The following PRKG1 variants were observed in gnomAD, a reference collection of about 807,000 sequenced individuals.
The protein encoded by PRKG1 is protein kinase cGMP-dependent 1.
Under a neutral mutation model 88.1 loss-of-function variants are expected in PRKG1, and 35 were observed. The observed-to-expected ratio is 0.40, with a 90% CI of 0.30 to 0.53. PRKG1 has a LOEUF of 0.53. PRKG1 is among the 20% of genes least tolerant of loss of function. The pLI is 0.59. For synonymous variants in PRKG1, 303 were observed against 292.5 expected, an observed-to-expected ratio of 1.04 and a Z score of -0.37; for missense variants, 540 against 839.8, an observed-to-expected ratio of 0.64 and a Z score of 4.41.
chr10:51,872,248 G>C (rs1841176662), intron 4 of PRKG1, among the ~76,000 whole-genome samples: 1 of 152,182 alleles, frequency 6.6e-6, no homozygotes. Context: ...CGTATGACTT[G>C]TGGCAACTTA....
chr10:51,295,006 C>T (rs907272977), intron 2 of PRKG1, among the ~76,000 whole-genome samples: 1 of 152,020 alleles, frequency 6.6e-6, no homozygotes, highest in Non-Finnish European at 1.5e-5. Context: ...TTGCTTGAGC[C>T]CAGGAGTTTG....
chr10:51,650,539 A>G (rs762516445), intron 3 of PRKG1, among the ~76,000 whole-genome samples: 1 of 152,236 alleles, frequency 6.6e-6, no homozygotes, highest in Non-Finnish European at 1.5e-5. Context: ...TGACTTTCAA[A>G]CTATTATCTT....
chr10:52,016,943 C>A (rs1845056073), intron 5 of PRKG1, among the ~76,000 whole-genome samples: 1 of 151,984 alleles, frequency 6.6e-6, no homozygotes, highest in Non-Finnish European at 1.5e-5. Flanking sequence ...TTTGAGCAGA[C>A]ACTTGAATTA....
intron 4 of PRKG1, among the ~76,000 whole-genome samples, chr10:51,820,275 T>C (rs933120865): frequency 3.9e-5 from 6 of 152,196 alleles, no homozygotes; most frequent in Admixed American, 3.3e-4. Context: ...CCTTCCATGT[T>C]ATTTAATATT....
intron 2 of PRKG1, among the ~76,000 whole-genome samples, chr10:51,456,414 A>G (rs1300018190): frequency 2.0e-5 from 3 of 152,142 alleles, no homozygotes; most frequent in South Asian, 2.1e-4. Flanking sequence ...CTGGATCCTC[A>G]TCTCTCACCT....
intron 3 of PRKG1, among the ~76,000 whole-genome samples, chr10:51,670,741 A>AAAT (rs1564599436): frequency 0.011 from 1,042 of 94,560 alleles, 7 homozygotes; most frequent in Admixed American, 0.016. Flanking sequence ...GTCTCAAAAA[A>AAAT]AAATAAATAA....
rs922492262 is a variant in PRKG1 at position 51,942,451 on chromosome 10, G to T, written c.762+34881G>T. 5.8e-4 allele frequency among the ~76,000 whole-genome samples: 87 copies of T among 151,230 alleles called. 1 individual carries two copies. Among genetic ancestry groups the T allele is most frequent in the Non-Finnish European group, 1.0e-3 (69 of 67,706 alleles). On this transcript the variant is annotated intron_variant, in intron 5 of 17. Coordinates refer to ENST00000373980, the MANE Select transcript of PRKG1 (RefSeq NM_006258.4). ...TCTTTTGCTGTGCAGAAGCTCTTTAGTTTAATTAGATCCCATTTGTCAATT... is the reference window on the plus strand; with the variant it reads ...TCTTTTGCTGTGCAGAAGCTCTTTATTTTAATTAGATCCCATTTGTCAATT...
chr10:51,331,821 C>T (rs1841748870), intron 2 of PRKG1, among the ~76,000 whole-genome samples: 1 of 152,182 alleles, frequency 6.6e-6, no homozygotes, highest in Non-Finnish European at 1.5e-5. Flanking sequence ...TGAATAAGAA[C>T]TATTTCTTAT....
chr10:51,652,167 T>C (rs1840054948), intron 3 of PRKG1, among the ~76,000 whole-genome samples: 2 of 152,116 alleles, frequency 1.3e-5, no homozygotes. Flanking sequence ...ACAACTGAAC[T>C]ATAACCACAA....
rs1277517865 is a variant in PRKG1, at chr10:52,014,906, A to G, written c.763-39578A>G. On this transcript the variant is annotated intron_variant, in intron 5 of 17. Coordinates refer to ENST00000373980, the MANE Select transcript of PRKG1 (RefSeq NM_006258.4). ...CATTCAGGGCACACTGATGCAAGGC[A>G]TAGGTTCCCAAGGCCTGAGGCAGCT... Among the ~76,000 whole-genome samples, 5 of 152,234 alleles carry G rather than the reference A, an allele frequency of 3.3e-5. No homozygotes were observed. The East Asian group carries it at 9.6e-4, about 29-fold the overall frequency.
chr10:51,883,452 A>G (rs752631842), intron 4 of PRKG1, among the ~76,000 whole-genome samples: 6 of 152,226 alleles, frequency 3.9e-5, no homozygotes, highest in Non-Finnish European at 7.3e-5. Flanking sequence ...ACATAACAAT[A>G]ATATTTTCTG....
At chr10:51,432,739 CCAGCAAA>C (rs1838806461) in intron 2 of PRKG1, among the ~76,000 whole-genome samples, 1 of 151,828 alleles carries the variant, frequency 6.6e-6, no homozygotes, top group Admixed American at 6.6e-5. Flanking sequence ...AGGGTTGTAC[CCAGCAAA>C]CATACAGATT....
At chr10:51,643,167 T>C (rs2132300994) in intron 3 of PRKG1, among the ~76,000 whole-genome samples, 1 of 152,304 alleles carries the variant, frequency 6.6e-6, no homozygotes, top group Admixed American at 6.5e-5. Context: ...GGATATTCTG[T>C]CTTTCAGTAA....
chr10:51,373,408 G>C (rs1407337810), intron 2 of PRKG1, among the ~76,000 whole-genome samples: 1 of 152,106 alleles, frequency 6.6e-6, no homozygotes. Context: ...ATTCAAATGT[G>C]TCCTCTCCAA....
At chr10:51,728,461 T>TGG (rs113455569) in intron 3 of PRKG1, among the ~76,000 whole-genome samples, 1 of 141,026 alleles carries the variant, frequency 7.1e-6, no homozygotes, top group African/African-American at 2.7e-5. Context: ...TTGTTTTTTT[T>TGG]TTTTTTTTTT....
intron 2 of PRKG1, among the ~76,000 whole-genome samples, chr10:51,242,133 G>T (rs898718052): frequency 6.6e-6 from 1 of 152,112 alleles, no homozygotes; most frequent in African/African-American, 2.4e-5. Context: ...TAAATGACTG[G>T]GTGAGAAATT....
intron 9 of PRKG1, among the ~76,000 whole-genome samples, chr10:52,250,488 C>T (rs1161591112): frequency 6.6e-6 from 1 of 152,010 alleles, no homozygotes; most frequent in Non-Finnish European, 1.5e-5. Flanking sequence ...TTAAACATAC[C>T]CATGGCTGAT....
intron 2 of PRKG1, among the ~76,000 whole-genome samples, chr10:51,199,894 TA>T (rs1440995606): frequency 1.3e-5 from 2 of 152,210 alleles, no homozygotes; most frequent in Non-Finnish European, 2.9e-5. Context: ...ATTCTGATGA[TA>T]GTCCTTTCCT....
intron 3 of PRKG1, among the ~76,000 whole-genome samples, chr10:51,783,863 G>A (rs1023900616): frequency 3.3e-5 from 5 of 152,134 alleles, no homozygotes; most frequent in African/African-American, 4.8e-5. Flanking sequence ...GTTTATAAAT[G>A]TATAGGAAAG....
Sources: gnomAD v4.1 joint callset for allele counts (sites outside exome capture counted in the v4.1 genomes callset) on GRCh38, gnomAD v4.1.1 for gene constraint, MANE v1.5 for transcripts, NCBI Gene and HGNC (gene_info 2026-07-23, HGNC 2026-07-21) for gene names.